MMP3: variants seen among roughly 807,000 people sequenced by gnomAD.
MMP3 encodes the protein stromelysin-1.
A neutral mutation model predicts 47.3 loss-of-function variants in MMP3; 46 were observed. That is an observed-to-expected ratio of 0.97 (90% CI 0.77 to 1.24). The LOEUF (loss-of-function observed/expected upper bound fraction) is 1.24, where lower values mean the gene tolerates loss of function less well. Among genes scored for constraint, MMP3 ranks in the 50% most tolerant of loss-of-function variants. The pLI is 0.00. For missense variants in MMP3, 558 were observed against 565.5 expected, an observed-to-expected ratio of 0.99 and a Z score of 0.13; for synonymous variants, 216 against 206.5, an observed-to-expected ratio of 1.05 and a Z score of -0.39.
chr11:102,841,107 T>A (rs1858989565), intron 4 of MMP3, among the ~76,000 whole-genome samples: 1 of 152,216 alleles, frequency 6.6e-6, no homozygotes, highest in Non-Finnish European at 1.5e-5. Flanking sequence ...TAATGATAGA[T>A]GTCATAGGAT....
rs1233527101 is a variant in MMP3, at chr11:102,841,473, C to A, written c.625+681G>T. Reference sequence around the variant, plus strand: ...AGGTTTACATTTTCATTATAAATCCCAGTTAAACCTCAGACATAGTATTAA... The same window carrying A: ...AGGTTTACATTTTCATTATAAATCCAAGTTAAACCTCAGACATAGTATTAA... On this transcript the variant is annotated intron_variant, in intron 4 of 9. Coordinates refer to ENST00000299855, the MANE Select transcript of MMP3 (RefSeq NM_002422.5). Among the ~76,000 whole-genome samples the A allele has an allele frequency of 2.0e-5, 3 of 152,106 alleles. No homozygotes were observed. The South Asian group carries it at 6.2e-4, about 32-fold the overall frequency.
intron 1 of MMP3, 101 bp from the exon 2 acceptor site, chr11:102,843,017 G>A (rs1859038523): frequency 9.4e-7 from 1 of 1,064,620 alleles, no homozygotes; most frequent in South Asian, 1.8e-5. Flanking sequence ...AATCTATTTG[G>A]AGTATTTCTC....
At chr11:102,841,711 A>AG (rs1555005441) in intron 4 of MMP3, among the ~76,000 whole-genome samples, 4 of 137,070 alleles carry the variant, frequency 2.9e-5, no homozygotes, top group African/African-American at 1.1e-4. Context: ...TGCCTCAGCC[A>AG]GAAAAAAAAA....
Position 102,842,110 on chromosome 11 carries a change from A to T in MMP3, c.625+44T>A, listed in dbSNP as rs1054028172. The T allele has an allele frequency of 2.0e-6, 3 of 1,476,488 alleles. No homozygotes were observed. In the East Asian group the frequency reaches 7.1e-5, roughly 35 times the overall value. The allele number at this position is 1,476,488 out of a possible 1,614,324, so 91.5% of individuals were successfully genotyped here. A position where few individuals can be genotyped will look rare whatever the true frequency, so the allele number is the denominator to read the frequency against. On this transcript the variant is annotated intron_variant, in intron 4 of 9. Transcript: ENST00000299855. ...TGGTTATTAACAGATTTCTACATATAAAAAAATTAATGCCAAAATCATTCT... is the reference window on the plus strand; with the variant it reads ...TGGTTATTAACAGATTTCTACATATTAAAAAATTAATGCCAAAATCATTCT...
chr11:102,842,406 T>TTTTTTTTTTTTTTTTTTTTTTTTTGA, intron 3 of MMP3, 25 bp downstream of exon 3: 1 of 447,998 alleles, frequency 2.2e-6, no homozygotes. Context: ...TTGTTTTGCT[T>TTTTTTTTTTTTTTTTTTTTTTTTTGA]TTTTTTTTTT....
At chr11:102,842,648 G>A (rs782103053) in intron 2 of MMP3, 24 bp downstream of exon 2, 35 of 1,612,962 alleles carry the variant, frequency 2.2e-5, no homozygotes, top group Middle Eastern at 1.6e-4. Context: ...CCAATCTTAT[G>A]TGAAAACCCC....
At chr11:102,838,731 AG>A (rs1555004974) in intron 7 of MMP3, 21 bp from the exon 8 acceptor site, 1 of 1,545,798 alleles carries the variant, frequency 6.5e-7, no homozygotes, top group African/African-American at 1.9e-5. Flanking sequence ...TAAATAATTC[AG>A]AGTCATATTG....
intron 3 of MMP3, 64 bp from the exon 4 acceptor site, chr11:102,842,343 A>G: frequency 6.4e-7 from 1 of 1,566,676 alleles, no homozygotes; most frequent in Non-Finnish European, 8.6e-7. Flanking sequence ...CTTTTCCAGT[A>G]CAACAACACC....
rs150552863 is a variant in MMP3, at chr11:102,840,560, A to G, written c.659T>C (p.Ile220Thr). 8 of 1,613,668 alleles carry G rather than the reference A, an allele frequency of 5.0e-6. No individual in the cohort carries two copies. The highest frequency in any genetic ancestry group is 4.0e-5 in the African/African-American group (3 of 74,892). ...GTGAAAGAGACCCAGGGAGTGGCCAATTTCATGAGCAGCAACGAGAAATAA... is the reference window on the plus strand; with the variant it reads ...GTGAAAGAGACCCAGGGAGTGGCCAGTTTCATGAGCAGCAACGAGAAATAA... ...TNLFLVAAHE[I>T]GHSLGLFHSA... The change falls in exon 5 of 10, where the codon ATT becomes ACT. Residue 220 changes from isoleucine to threonine, a missense_variant. By Grantham distance (89) the Ile-to-Thr change is moderately conservative (BLOSUM62 -1). Transcript: ENST00000299855.
chr11:102,840,458 T>C lies in MMP3; in HGVS notation c.761A>G (p.Asp254Gly), dbSNP rs1182056926. 6.2e-7 allele frequency: 1 copy of C among 1,614,044 alleles called. No individual in the cohort carries two copies. The highest frequency in any genetic ancestry group is 2.2e-5 in the East Asian group (1 of 44,870). The part of the protein sequence containing the change: ...TDLTRFRLSQ[D>G]DINGIQSLYG... ...GAGGGACTGAATGCCATTTATATCA[T>C]CTTGAGACAGGCGGAACCGAGTCAG... The change falls in exon 5 of 10, where the codon GAT becomes GGT. Residue 254 changes from aspartate (D) to glycine (G), a missense_variant. Transcript: ENST00000299855.
rs1555005198 is a variant in MMP3, at chr11:102,840,150, G to A, written c.893C>T (p.Ala298Val). 2 of 1,613,928 alleles carry A rather than the reference G, an allele frequency of 1.2e-6. No homozygotes were observed. Among genetic ancestry groups the A allele is most frequent in the Middle Eastern group, 1.6e-4 (1 of 6,082 alleles). Residue 298 changes from alanine (A) to valine (V), a missense_variant, in exon 6 of 10, where the codon GCT (alanine) becomes GTT (valine). By Grantham distance (64) the Ala-to-Val change is moderately conservative. Transcript: ENST00000299855. ...ANCDPALSFDAVSTLRGEILI... is the reference protein window; with the variant it reads ...ANCDPALSFDVVSTLRGEILI... ...GATTTCTCCCCTCAGAGTGCTGACAGCATCAAAGGACAAAGCAGGATCACA... is the reference window on the plus strand; with the variant it reads ...GATTTCTCCCCTCAGAGTGCTGACAACATCAAAGGACAAAGCAGGATCACA...
intron 7 of MMP3, 43 bp downstream of exon 7, chr11:102,839,067 G>A (rs782759213): frequency 4.4e-6 from 7 of 1,591,280 alleles, no homozygotes; most frequent in Admixed American, 1.8e-5. Flanking sequence ...CTTATGAGAG[G>A]GTTTACTTTG....
At position 102,840,532 on chromosome 11, in the gene MMP3, T is replaced by C. The variant is rs782406978; in HGVS notation, c.687A>G (p.Ser229=). The change falls in exon 5 of 10, where the codon TCA becomes TCG. Residue 229 remains serine, a synonymous_variant. Transcript: ENST00000299855. Reference sequence around the variant, plus strand: ...GGTACATCAAAGCTTCAGTGTTGGCTGAGTGAAAGAGACCCAGGGAGTGGC... The same window carrying C: ...GGTACATCAAAGCTTCAGTGTTGGCCGAGTGAAAGAGACCCAGGGAGTGGC... The part of the protein sequence containing the change: ...EIGHSLGLFH[S]ANTEALMYPL... 1 of 1,614,124 alleles carries C rather than the reference T, an allele frequency of 6.2e-7. No homozygotes were observed. Among genetic ancestry groups the C allele is most frequent in the Admixed American group, 1.7e-5 (1 of 60,010 alleles).
At position 102,837,387 on chromosome 11, in the gene MMP3, C is replaced by T. The variant is rs1555004753; in HGVS notation, c.1244G>A (p.Arg415Lys). The change falls in exon 9 of 10, where the codon AGA becomes AAA. Residue 415 changes from arginine (R) to lysine (K), a missense_variant. Physicochemically the swap from Arg to Lys is conservative, Grantham distance 26. Transcript: ENST00000299855. This position sits in a 1 kb window ranked among gnomAD's most constrained non-coding sequence, Gnocchi z 4.4. ...GGGAAAGCCTGGCTCCATGGAATTT[C>T]TCTTCTCATCAAATCTGTACCAAGT... ...EDKYWRFDEK[R>K]NSMEPGFPKQ... 1 of 1,613,706 alleles carries T rather than the reference C, an allele frequency of 6.2e-7. No homozygotes were observed. Among genetic ancestry groups the T allele is most frequent in the South Asian group, 1.1e-5 (1 of 91,068 alleles).
chr11:102,842,637 T>G (rs1555005732), intron 2 of MMP3, 35 bp downstream of exon 2: 2 of 1,613,250 alleles, frequency 1.2e-6, no homozygotes, highest in Admixed American at 3.3e-5. Context: ...TTTATAAAAT[T>G]CCAATCTTAT....
chr11:102,842,404 C>CTTTTTGTTTT, intron 3 of MMP3, 27 bp downstream of exon 3: 1 of 810,714 alleles, frequency 1.2e-6, no homozygotes, highest in South Asian at 2.8e-5. Flanking sequence ...TTTTGTTTTG[C>CTTTTTGTTTT]TTTTTTTTTT....
chr11:102,840,350 A>T, intron 5 of MMP3, 79 bp downstream of exon 5: 3 of 1,582,454 alleles, frequency 1.9e-6, no homozygotes, highest in Non-Finnish European at 2.6e-6. Context: ...AATCATAAAT[A>T]CTTTATGTAG....
At position 102,843,601 on chromosome 11, in the gene MMP3, C is replaced by G. The variant is rs1565226818; in HGVS notation, c.-55G>C. On this transcript the variant is annotated 5_prime_UTR_variant, in exon 1 of 10. Transcript: ENST00000299855. Reference sequence around the variant, plus strand: ...TCTCTATGCCTTGCTGTCTTGCCTGCCTCCTTGTAGGTCCAACCTCGGGAG... The same window carrying G: ...TCTCTATGCCTTGCTGTCTTGCCTGGCTCCTTGTAGGTCCAACCTCGGGAG... 1 of 1,449,370 alleles carries G rather than the reference C, an allele frequency of 6.9e-7. No individual in the cohort carries two copies. Among genetic ancestry groups the G allele is most frequent in the Non-Finnish European group, 9.6e-7 (1 of 1,043,190 alleles). 89.8% of individuals were successfully genotyped at this position (1,449,370 alleles called of 1,614,324 possible).
rs1296460183 is a variant in MMP3, at chr11:102,840,925, C to T, written c.626-332G>A. On this transcript the variant is annotated intron_variant, in intron 4 of 9. Coordinates refer to ENST00000299855, the MANE Select transcript of MMP3 (RefSeq NM_002422.5). ...TGTACTCAGGAATGGAATGAACCCA[C>T]TTGCTTAGCATATCAGATATTTACC... 2.0e-5 allele frequency among the ~76,000 whole-genome samples: 3 copies of T among 152,048 alleles called. No homozygotes were observed. The East Asian group carries it at 5.8e-4, about 29-fold the overall frequency.
Sources: gnomAD v4.1 joint callset for allele counts (sites outside exome capture counted in the v4.1 genomes callset) on GRCh38, gnomAD v4.1.1 for gene constraint, Gnocchi (gnomAD v3.1) non-coding constraint, MANE v1.5 for transcripts, NCBI Gene and HGNC (gene_info 2026-07-23, HGNC 2026-07-21) for gene names.